The following COL4A5 variants were observed in gnomAD, a reference collection of about 807,000 sequenced individuals.
The protein encoded by COL4A5 is collagen alpha-5(IV) chain.
A neutral mutation model predicts 130.2 loss-of-function variants in COL4A5; 26 were observed. The observed-to-expected ratio is 0.20, with a 90% CI of 0.15 to 0.28. The LOEUF (loss-of-function observed/expected upper bound fraction) is 0.28, where lower values mean the gene tolerates loss of function less well. Among genes scored for constraint, COL4A5 ranks in the 10% least tolerant of loss-of-function variants. The probability of loss-of-function intolerance (pLI) is 1.00; values close to 1 mark genes in which losing one functional copy is unlikely to be tolerated. For synonymous variants in COL4A5, 496 were observed against 439.6 expected (o/e 1.13, Z -1.60); for missense variants, 1,131 against 1,344.3 (o/e 0.84, Z 2.48).
intron 2 of COL4A5, among the ~76,000 whole-genome samples, chrX:108,549,993 A>G (rs2065726566): frequency 8.9e-6 from 1 of 111,770 alleles, no homozygotes; most frequent in Admixed American, 9.5e-5. Flanking sequence ...AGAAAGAAGC[A>G]AAATATAAAT....
At chrX:108,600,961 T>C (rs942480401) in intron 25 of COL4A5, among the ~76,000 whole-genome samples, 34 of 111,584 alleles carry the variant, frequency 3.0e-4, no homozygotes, top group African/African-American at 9.1e-4. Flanking sequence ...TCTGCCTTTT[T>C]GTTGTATCCG....
At position 108,552,597 on chromosome X, in the gene COL4A5, A is replaced by G. The variant is rs376970503; in HGVS notation, c.142-6467A>G. ...TCAGACAAAAATGTGCAAGTCTCATACCCTGAAAACTACAAAAAATATTGC... is the reference window on the plus strand; with the variant it reads ...TCAGACAAAAATGTGCAAGTCTCATGCCCTGAAAACTACAAAAAATATTGC... On this transcript the variant is annotated intron_variant, in intron 2 of 52. Transcript: ENST00000328300. Among the ~76,000 whole-genome samples, 4 of 112,105 alleles carry G rather than the reference A, an allele frequency of 3.6e-5. No individual in the cohort carries two copies. In the East Asian group the frequency reaches 8.4e-4, roughly 23 times the overall value.
chrX:108,497,235 A>G (rs991475630), intron 1 of COL4A5, among the ~76,000 whole-genome samples: 1 of 112,611 alleles, frequency 8.9e-6, no homozygotes. Flanking sequence ...ATTACATTGT[A>G]TGGATATACC....
intron 1 of COL4A5, among the ~76,000 whole-genome samples, chrX:108,470,982 T>C (rs1186110697): frequency 1.8e-5 from 2 of 111,490 alleles, no homozygotes; most frequent in Admixed American, 1.9e-4. Flanking sequence ...TCTGGGTTCT[T>C]TACCCTGTTC....
chrX:108,551,354 C>G (rs1269565980), intron 2 of COL4A5, among the ~76,000 whole-genome samples: 2 of 111,499 alleles, frequency 1.8e-5, no homozygotes, highest in Non-Finnish European at 3.8e-5. Context: ...GACATGAACA[C>G]ATACGCCTCA....
rs1401019957 is a variant in COL4A5 at position 108,553,138 on chromosome X, G to A, written c.142-5926G>A. On this transcript the variant is annotated intron_variant, in intron 2 of 52. Transcript: ENST00000328300. ...ATCTAAACCTTAAAGTCTTTAAGGA[G>A]GAAACAAAGGGGAAAATCCTTGTGA... 2.7e-5 allele frequency among the ~76,000 whole-genome samples: 3 copies of A among 111,432 alleles called. No homozygotes were observed. The Admixed American group carries it at 2.9e-4, about 11-fold the overall frequency.
In COL4A5 at chrX:108,633,016, G is replaced by A. The variant is rs193171590; in HGVS notation, c.3246+6667G>A. 1.0e-3 allele frequency among the ~76,000 whole-genome samples: 114 copies of A among 111,502 alleles called. 4 individuals carry two copies. In the East Asian group the frequency reaches 0.031, roughly 30 times the overall value. Reference sequence around the variant, plus strand: ...AGGCGAAAGAAATAAAGGGTATTCAGTTAGGAAAAGAGGAAGTCAAATTGT... The same window carrying A: ...AGGCGAAAGAAATAAAGGGTATTCAATTAGGAAAAGAGGAAGTCAAATTGT... On this transcript the variant is annotated intron_variant, in intron 36 of 52. Coordinates refer to ENST00000328300, the MANE Select transcript of COL4A5 (RefSeq NM_033380.3).
At chrX:108,542,524 T>C (rs1215648067) in intron 2 of COL4A5, among the ~76,000 whole-genome samples, 2 of 110,136 alleles carry the variant, frequency 1.8e-5, no homozygotes, top group Non-Finnish European at 3.8e-5. Flanking sequence ...ACATTTGGGT[T>C]GGTTCCAAGT....
chrX:108,685,800 AAG>A (rs1463169522), intron 47 of COL4A5, among the ~76,000 whole-genome samples: 2 of 112,519 alleles, frequency 1.8e-5, no homozygotes, highest in Non-Finnish European at 3.8e-5. Flanking sequence ...TCTGAAGACA[AAG>A]AGAGCACAAC....
At chrX:108,659,554 T>C (rs1392436729) in intron 37 of COL4A5, among the ~76,000 whole-genome samples, 1 of 110,811 alleles carries the variant, frequency 9.0e-6, no homozygotes, top group Non-Finnish European at 1.9e-5. Context: ...AATTTTTTGC[T>C]GTATGTCTTT....
intron 1 of COL4A5, among the ~76,000 whole-genome samples, chrX:108,487,146 C>G (rs1021080693): frequency 1.8e-5 from 2 of 110,928 alleles, no homozygotes; most frequent in East Asian, 5.7e-4. Flanking sequence ...AATCCCAGCA[C>G]TTTGGGAGGC....
At position 108,598,831 on chromosome X, in the gene COL4A5, C is replaced by A. The variant is rs368347660; in HGVS notation, c.1909C>A (p.Gln637Lys). The change falls in exon 25 of 53, where the codon CAA becomes AAA. Residue 637 changes from glutamine to lysine, a missense_variant. Coordinates refer to ENST00000328300, the MANE Select transcript of COL4A5 (RefSeq NM_033380.3). ...PPGPVGEKGI[Q>K]GVAGNPGQPG... is the part of the protein sequence containing the mutation. ...AGGCCCAGTAGGTGAAAAAGGCATA[C>A]AAGGTGTGGCAGGAAATCCAGGCCA... 65 of 1,209,857 alleles carry A rather than the reference C, an allele frequency of 5.4e-5. No homozygotes were observed. Among genetic ancestry groups the A allele is most frequent in the Non-Finnish European group, 7.2e-5 (64 of 895,078 alleles).
At chrX:108,478,370 G>A (rs956433643) in intron 1 of COL4A5, among the ~76,000 whole-genome samples, 1 of 111,386 alleles carries the variant, frequency 9.0e-6, no homozygotes, top group African/African-American at 3.3e-5. Flanking sequence ...GTGGGAACAG[G>A]AAGCAAAAAT....
chrX:108,565,984 C>CTTTTTTTTTTTTTTT (rs113282994), intron 4 of COL4A5, among the ~76,000 whole-genome samples: 1 of 86,769 alleles, frequency 1.2e-5, no homozygotes. Context: ...GGCTATTCTT[C>CTTTTTTTTTTTTTTT]TTTTTTTTTT....
chrX:108,668,290 T>C, intron 40 of COL4A5, 29 bp from the exon 41 acceptor site: 2 of 1,179,908 alleles, frequency 1.7e-6, no homozygotes, highest in Non-Finnish European at 2.3e-6. Context: ...CGGTATTATT[T>C]ATCTTCTAAT....
At chrX:108,530,276 A>T (rs2065367616) in intron 1 of COL4A5, among the ~76,000 whole-genome samples, 1 of 111,769 alleles carries the variant, frequency 8.9e-6, no homozygotes, top group African/African-American at 3.3e-5. Context: ...AATACATGGA[A>T]ATTAAATAAC....
At chrX:108,450,063 AG>A (rs1408060431) in intron 1 of COL4A5, among the ~76,000 whole-genome samples, 1 of 111,787 alleles carries the variant, frequency 8.9e-6, no homozygotes, top group Non-Finnish European at 1.9e-5. Flanking sequence ...TTTACCTCAG[AG>A]GGTCCTCAAT....
chrX:108,549,586 C>T (rs981858689), intron 2 of COL4A5, among the ~76,000 whole-genome samples: 1 of 110,879 alleles, frequency 9.0e-6, no homozygotes, highest in Non-Finnish European at 1.9e-5. Flanking sequence ...GGGGTTAAAG[C>T]AGGGCATAGG....
intron 1 of COL4A5, among the ~76,000 whole-genome samples, chrX:108,459,962 T>A (rs192274144): frequency 0.03 from 3,316 of 111,945 alleles, 117 homozygotes; most frequent in African/African-American, 0.1. Flanking sequence ...CTGTTAAAAA[T>A]TTTTTTTAAA....
Sources: gnomAD v4.1 joint callset for allele counts (sites outside exome capture counted in the v4.1 genomes callset) on GRCh38, gnomAD v4.1.1 for gene constraint, MANE v1.5 for transcripts, NCBI Gene and HGNC (gene_info 2026-07-23, HGNC 2026-07-21) for gene names.